Variants in TMEM132D observed in about 807,000 individuals in gnomAD.
TMEM132D encodes mature OL transmembrane protein.
A neutral mutation model predicts 62.3 loss-of-function variants in TMEM132D; 21 were observed. The observed-to-expected ratio is 0.34, with a 90% CI of 0.24 to 0.49. The LOEUF (loss-of-function observed/expected upper bound fraction) is 0.49. TMEM132D is among the 20% of genes least tolerant of loss of function. TMEM132D has a pLI of 0.99. For missense variants in TMEM132D, 1,346 were observed against 1,402.8 expected (o/e 0.96, Z 0.65); for synonymous variants, 621 against 575.6 (o/e 1.08, Z -1.13).
intron 1 of TMEM132D, among the ~76,000 whole-genome samples, chr12:129,762,033 T>C (rs923559224): frequency 3.3e-5 from 5 of 152,156 alleles, no homozygotes; most frequent in African/African-American, 1.2e-4. Context: ...AACTCCAGCC[T>C]GCAGATAAAG....
rs774802246 is a variant in TMEM132D, at chr12:129,074,445, G to C, written c.2730C>G (p.Ser910=). ...EMDGNDLMQA[S]KGLSDLEIGM... Reference sequence around the variant, plus strand: ...CAATTTCTAAGTCGCTCAGCCCTTTGGATGCCTGCATAAGGTCATTCCCAT... The same window carrying C: ...CAATTTCTAAGTCGCTCAGCCCTTTCGATGCCTGCATAAGGTCATTCCCAT... The change falls in exon 9 of 9, where the codon TCC becomes TCG. Residue 910 remains serine, a synonymous_variant. Coordinates refer to ENST00000422113, the MANE Select transcript of TMEM132D (RefSeq NM_133448.3). The C allele has an allele frequency of 1.2e-6, 2 of 1,613,964 alleles. No individual in the cohort carries two copies. The highest frequency in any genetic ancestry group is 1.7e-6 in the Non-Finnish European group (2 of 1,180,032).
intron 5 of TMEM132D, among the ~76,000 whole-genome samples, chr12:129,164,219 C>T (rs1319275865): frequency 6.6e-6 from 1 of 152,210 alleles, no homozygotes; most frequent in Non-Finnish European, 1.5e-5. Flanking sequence ...GTGCATTTCC[C>T]GGTCAACTCA....
At chr12:129,149,338 C>T (rs7358708) in intron 5 of TMEM132D, among the ~76,000 whole-genome samples, 1,678 of 152,128 alleles carry the variant, frequency 0.011, 31 homozygotes, top group African/African-American at 0.038. Flanking sequence ...GGCGCAGGTA[C>T]ACTTACGTAA....
intron 1 of TMEM132D, among the ~76,000 whole-genome samples, chr12:129,801,190 G>A (rs1871767267): frequency 1.3e-5 from 2 of 152,342 alleles, no homozygotes; most frequent in Admixed American, 1.3e-4. Flanking sequence ...CAGCCGGGAA[G>A]CTCCAACTGG....
chr12:129,715,956 G>A (rs902767646), intron 1 of TMEM132D, among the ~76,000 whole-genome samples: 7 of 152,240 alleles, frequency 4.6e-5, no homozygotes, highest in South Asian at 4.1e-4. Flanking sequence ...GCATTGCCAC[G>A]CAGAGAGGGT....
intron 4 of TMEM132D, among the ~76,000 whole-genome samples, chr12:129,335,102 T>C (rs1869230228): frequency 6.6e-6 from 1 of 151,258 alleles, no homozygotes; most frequent in Non-Finnish European, 1.5e-5. Context: ...GTGTGTTTGC[T>C]ATAGGCTGGG....
At chr12:129,825,957 A>G (rs1425267069) in intron 1 of TMEM132D, among the ~76,000 whole-genome samples, 1 of 152,140 alleles carries the variant, frequency 6.6e-6, no homozygotes, top group Non-Finnish European at 1.5e-5. Flanking sequence ...CCAGCTATTC[A>G]TGAGGCTGAG....
chr12:129,368,577 CTTA>C, intron 3 of TMEM132D, among the ~76,000 whole-genome samples: 1 of 151,990 alleles, frequency 6.6e-6, no homozygotes, highest in South Asian at 2.1e-4. Flanking sequence ...TGAACTGTTA[CTTA>C]TTATTATTAT....
At chr12:129,463,282 A>G (rs1873743806) in intron 3 of TMEM132D, among the ~76,000 whole-genome samples, 2 of 151,862 alleles carry the variant, frequency 1.3e-5, no homozygotes, top group Non-Finnish European at 2.9e-5. Context: ...TTGAGCATTC[A>G]TGAGTGCCAT....
chr12:129,702,631 A>G (rs1881411581), intron 1 of TMEM132D, among the ~76,000 whole-genome samples: 1 of 152,162 alleles, frequency 6.6e-6, no homozygotes, highest in African/African-American at 2.4e-5. Flanking sequence ...TTTCTGTAGC[A>G]TCCCCAGCTT....
At chr12:129,324,843 A>G (rs531118990) in intron 4 of TMEM132D, among the ~76,000 whole-genome samples, 1 of 152,308 alleles carries the variant, frequency 6.6e-6, no homozygotes, top group African/African-American at 2.4e-5. Flanking sequence ...AAAAAGAAAA[A>G]AAGTGATAAC....
intron 5 of TMEM132D, among the ~76,000 whole-genome samples, chr12:129,199,831 C>T (rs1185325689): frequency 2.0e-5 from 3 of 152,140 alleles, no homozygotes; most frequent in Non-Finnish European, 2.9e-5. Flanking sequence ...CCCGCCCCCA[C>T]GTTTCAATTA....
chr12:129,141,812 G>T (rs922160842), intron 5 of TMEM132D, among the ~76,000 whole-genome samples: 2 of 151,682 alleles, frequency 1.3e-5, no homozygotes, highest in African/African-American at 4.8e-5. Context: ...CTAACTTTGG[G>T]GTACTATGCT....
At chr12:129,233,622 TTTTA>T (rs892173160) in intron 4 of TMEM132D, among the ~76,000 whole-genome samples, 5 of 152,126 alleles carry the variant, frequency 3.3e-5, no homozygotes, top group East Asian at 1.9e-4. Context: ...AACTTTTAAA[TTTTA>T]TTTATTTATT....
chr12:129,600,893 T>A (rs1456945399), intron 2 of TMEM132D, among the ~76,000 whole-genome samples: 1 of 152,112 alleles, frequency 6.6e-6, no homozygotes, highest in East Asian at 1.9e-4. Context: ...CCTAGGAATT[T>A]CAGAGTGGTA....
chr12:129,841,068 C>A (rs558913021), intron 1 of TMEM132D, among the ~76,000 whole-genome samples: 6 of 152,216 alleles, frequency 3.9e-5, no homozygotes, highest in Admixed American at 1.3e-4. Flanking sequence ...TAAAAAGAAT[C>A]AAATTTTGGC....
chr12:129,400,351 C>T (rs186510638), intron 3 of TMEM132D, among the ~76,000 whole-genome samples: 3 of 152,224 alleles, frequency 2.0e-5, no homozygotes, highest in African/African-American at 4.8e-5. Flanking sequence ...GGGTTTACAG[C>T]GCCAAGCTTG....
chr12:129,597,517 A>G (rs1878369325), intron 2 of TMEM132D, among the ~76,000 whole-genome samples: 1 of 152,214 alleles, frequency 6.6e-6, no homozygotes, highest in Non-Finnish European at 1.5e-5. Context: ...AGCAAATAAC[A>G]TTCACGGAGT....
chr12:129,283,451 C>G (rs1440554780), intron 4 of TMEM132D, among the ~76,000 whole-genome samples: 1 of 152,200 alleles, frequency 6.6e-6, no homozygotes, highest in Non-Finnish European at 1.5e-5. Context: ...CTCAGCCTCC[C>G]AAAGTGCTGG....
Sources: gnomAD v4.1 joint callset for allele counts (sites outside exome capture counted in the v4.1 genomes callset) on GRCh38, gnomAD v4.1.1 for gene constraint, MANE v1.5 for transcripts, NCBI Gene and HGNC (gene_info 2026-07-23, HGNC 2026-07-21) for gene names.